The following INTS8 variants were observed in gnomAD, a reference collection of about 807,000 sequenced individuals.
INTS8 encodes integrator complex subunit 8, also known as protein kaonashi-1.
In INTS8, 47 loss-of-function variants were observed where a neutral mutation model predicts 138.9. The observed-to-expected ratio is 0.34, with a 90% CI of 0.27 to 0.43. The LOEUF is 0.43. Among genes scored for constraint, INTS8 ranks in the 20% least tolerant of loss-of-function variants. The pLI, the probability that INTS8 is intolerant of heterozygous loss-of-function variation, is 1.00. For synonymous variants in INTS8, 392 were observed against 400.9 expected, an observed-to-expected ratio of 0.98 and a Z score of 0.27; for missense variants, 996 against 1,173.0, an observed-to-expected ratio of 0.85 and a Z score of 2.20.
At chr8:94,875,965 G>C (rs1586533755) in intron 23 of INTS8, 109 bp from the exon 24 acceptor site, 1 of 758,616 alleles carries the variant, frequency 1.3e-6, no homozygotes, top group East Asian at 2.5e-5. Context: ...CCATAACTAT[G>C]AGCGGATTCA....
In INTS8 at chr8:94,865,586, AGTT is replaced by A; in HGVS notation, c.2164_2166del (p.Val722del). 1.2e-6 allele frequency: 2 copies of A among 1,614,146 alleles called. No homozygotes were observed. The highest frequency in any genetic ancestry group is 1.7e-6 in the Non-Finnish European group (2 of 1,179,962). On this transcript the variant is annotated inframe_deletion, in exon 17 of 27. Coordinates refer to ENST00000523731, the MANE Select transcript of INTS8 (RefSeq NM_017864.4). ...GACGGACTGCCAAAGACCTTTGGGA[AGTT>A]GTTGTTCAAATCTGTAGTGTGTCCA...
intron 23 of INTS8, among the ~76,000 whole-genome samples, chr8:94,875,453 A>G (rs898422811): frequency 9.2e-5 from 14 of 152,170 alleles, no homozygotes; most frequent in Admixed American, 5.2e-4. Context: ...ATTAGTGGTT[A>G]TCAGAGGCTT....
chr8:94,840,562 T>G (rs1586482360), intron 8 of INTS8, among the ~76,000 whole-genome samples: 1 of 149,990 alleles, frequency 6.7e-6, no homozygotes. Context: ...TTAATTAGTT[T>G]TTTTTTTTTT....
chr8:94,867,751 TG>T (rs1170819561), intron 20 of INTS8: 2 of 158,158 alleles, frequency 1.3e-5, no homozygotes, highest in African/African-American at 4.8e-5. Flanking sequence ...CTCAAACTCC[TG>T]ACCTCAAGTG....
chr8:94,855,697 C>A (rs772280281), intron 14 of INTS8, among the ~76,000 whole-genome samples: 1 of 152,000 alleles, frequency 6.6e-6, no homozygotes, highest in Non-Finnish European at 1.5e-5. Flanking sequence ...ACAAGTGTTA[C>A]AAGGGATAGA....
At chr8:94,859,433 A>T (rs997315784) in intron 15 of INTS8, 78 bp from the exon 16 acceptor site, 2 of 1,421,842 alleles carry the variant, frequency 1.4e-6, no homozygotes, top group East Asian at 2.3e-5. Context: ...ATTCAGTTGA[A>T]ATCTGAGCAA....
intron 20 of INTS8, among the ~76,000 whole-genome samples, chr8:94,871,186 G>T (rs1441358180): frequency 6.6e-6 from 1 of 151,950 alleles, no homozygotes; most frequent in Non-Finnish European, 1.5e-5. Context: ...ATCATTTGGG[G>T]GCCAGGTGTG....
At chr8:94,873,618 G>A (rs1816478891) in intron 22 of INTS8, 141 bp downstream of exon 22, 1 of 633,860 alleles carries the variant, frequency 1.6e-6, no homozygotes, top group East Asian at 2.7e-5. Context: ...ATTGCTCTGT[G>A]TATTTTCATT....
chr8:94,867,330 A>G lies in INTS8; in HGVS notation c.2407A>G (p.Ile803Val). The change falls in exon 20 of 27, where the codon ATT becomes GTT. Residue 803 changes from isoleucine (I) to valine (V), a missense_variant. Ile to Val is a conservative substitution (Grantham distance 29). Transcript: ENST00000523731. ...ACACATTTCTATTTGGCCATCTTCC[A>G]TTCCCAAGTAAGTAGTGGTATAGCT... ...AEHISIWPSS[I>V]PNLQSVDFEA... 1.2e-6 allele frequency: 2 copies of G among 1,609,078 alleles called. No individual in the cohort carries two copies. The highest frequency in any genetic ancestry group is 2.2e-5 in the East Asian group (1 of 44,778).
In INTS8 at chr8:94,849,550, CTTTT is replaced by C. The variant is rs1291260454; in HGVS notation, c.1331+21_1331+24del. 3 of 1,375,934 alleles carry C rather than the reference CTTTT, an allele frequency of 2.2e-6. 1 individual carries two copies. The South Asian group carries it at 3.9e-5, about 18-fold the overall frequency. The allele number at this position is 1,375,934 out of a possible 1,614,324, so 85.2% of individuals were successfully genotyped here. The stretch of plus-strand genomic sequence containing the variant: ...TTTCTAAAGTAAGTACCTTTCTTTT[CTTTT>C]TTCTTTTTTTTTTTAACTTTGAACT... On this transcript the variant is annotated intron_variant, in intron 11 of 26. Coordinates refer to ENST00000523731, the MANE Select transcript of INTS8 (RefSeq NM_017864.4).
chr8:94,849,668 T>C (rs903161052), intron 11 of INTS8, 136 bp downstream of exon 11: 2 of 629,900 alleles, frequency 3.2e-6, no homozygotes, highest in Admixed American at 6.9e-5. Flanking sequence ...GAGAACCCAT[T>C]AAGTTCAAAT....
chr8:94,834,902 C>T (rs1409172102), intron 6 of INTS8, among the ~76,000 whole-genome samples: 2 of 152,092 alleles, frequency 1.3e-5, no homozygotes, highest in East Asian at 3.9e-4. Flanking sequence ...GAGTAAGTAT[C>T]TGTTGCCAAA....
chr8:94,850,594 A>G (rs1815501778), intron 12 of INTS8, among the ~76,000 whole-genome samples: 1 of 145,926 alleles, frequency 6.9e-6, no homozygotes, highest in Non-Finnish European at 1.5e-5. Context: ...CCTGGGTGAC[A>G]GAGCGAGACT....
In INTS8 at chr8:94,843,222, A is replaced by G. The variant is rs150365796; in HGVS notation, c.1260+734A>G. 2.5e-3 allele frequency among the ~76,000 whole-genome samples: 381 copies of G among 152,292 alleles called. 4 individuals carry two copies. Among genetic ancestry groups the G allele is most frequent in the African/African-American group, 8.9e-3 (368 of 41,574 alleles). On this transcript the variant is annotated intron_variant, in intron 10 of 26. Coordinates refer to ENST00000523731, the MANE Select transcript of INTS8 (RefSeq NM_017864.4). ...TCATCTTCTTTCACTAAAGAGATTT[A>G]TTTGTGAGATTTATTCAAGTTGTAT...
chr8:94,878,961 T>G (rs569669867), intron 26 of INTS8, among the ~76,000 whole-genome samples: 11 of 152,332 alleles, frequency 7.2e-5, no homozygotes, highest in African/African-American at 2.2e-4. Context: ...AAGAAGTTAG[T>G]CCTTGGGTTA....
chr8:94,857,876 A>G (rs1014846728), intron 15 of INTS8, among the ~76,000 whole-genome samples: 1 of 152,252 alleles, frequency 6.6e-6, no homozygotes, highest in Non-Finnish European at 1.5e-5. Context: ...GGATACTTCT[A>G]CACACTAGAG....
intron 21 of INTS8, among the ~76,000 whole-genome samples, 197 bp from the exon 22 acceptor site, chr8:94,873,177 A>T (rs1422243203): frequency 6.6e-6 from 1 of 152,246 alleles, no homozygotes; most frequent in African/African-American, 2.4e-5. Flanking sequence ...TCGTTTGGAC[A>T]TTTGGGAAAT....
chr8:94,835,561 A>G (rs1026332876), intron 6 of INTS8, among the ~76,000 whole-genome samples: 1 of 151,988 alleles, frequency 6.6e-6, no homozygotes, highest in Non-Finnish European at 1.5e-5. Flanking sequence ...CCTGTGTTAG[A>G]AAATTCCCGA....
chr8:94,877,300 A>T (rs1048116412), intron 26 of INTS8, among the ~76,000 whole-genome samples: 16 of 152,170 alleles, frequency 1.1e-4, no homozygotes, highest in Admixed American at 2.6e-4. Context: ...ATATTAATTT[A>T]AAAAAATGCT....
Sources: allele counts gnomAD v4.1 joint callset (sites outside exome capture counted in the v4.1 genomes callset), GRCh38; gene constraint gnomAD v4.1.1; transcripts MANE v1.5; gene names NCBI Gene and HGNC (gene_info 2026-07-23, HGNC 2026-07-21).